The following PGCKA1 variants were observed in gnomAD, a reference collection of about 807,000 sequenced individuals.
PGCKA1 encodes the protein PDCD10 and GCKIII kinases associated 1.
chr4:37,488,370 G>A, the PGCKA1 span, among the ~76,000 whole-genome samples: 1 of 152,074 alleles, frequency 6.6e-6, no homozygotes, highest in African/African-American at 2.4e-5. Context: ...CATGATAGCT[G>A]GTGGCCCCAC....
At chr4:37,550,480 C>T in the PGCKA1 span, among the ~76,000 whole-genome samples, 60 of 152,236 alleles carry the variant, frequency 3.9e-4, no homozygotes, top group Admixed American at 7.8e-4. Flanking sequence ...CTGTTTGGCT[C>T]CAGAAAGGAA....
the PGCKA1 span, among the ~76,000 whole-genome samples, chr4:37,564,319 G>A: frequency 6.7e-6 from 1 of 149,760 alleles, no homozygotes; most frequent in East Asian, 2.0e-4. Context: ...TATTCTCGCA[G>A]ACAATTGCCA....
At chr4:37,453,956 G>T in the PGCKA1 span, 5 of 155,692 alleles carry the variant, frequency 3.2e-5, no homozygotes, top group Admixed American at 3.3e-4. Flanking sequence ...AGCCGCTAGC[G>T]TCTCCCGGCG....
chr4:37,495,979 G>A, the PGCKA1 span, among the ~76,000 whole-genome samples: 35 of 152,142 alleles, frequency 2.3e-4, no homozygotes, highest in African/African-American at 8.4e-4. Flanking sequence ...TTTGTCAGAT[G>A]CATTGTCAGA....
chr4:37,486,412 C>G, the PGCKA1 span, among the ~76,000 whole-genome samples: 5 of 152,174 alleles, frequency 3.3e-5, no homozygotes, highest in Admixed American at 3.3e-4. Flanking sequence ...CAAAAAGCTT[C>G]ACTGAAACCA....
At chr4:37,457,240 G>T in the PGCKA1 span, among the ~76,000 whole-genome samples, 1 of 152,066 alleles carries the variant, frequency 6.6e-6, no homozygotes, top group Non-Finnish European at 1.5e-5. Flanking sequence ...ACTCCTTCTG[G>T]GAGTAAAAAC....
the PGCKA1 span, among the ~76,000 whole-genome samples, chr4:37,500,094 T>C: frequency 3.9e-5 from 6 of 152,100 alleles, no homozygotes; most frequent in African/African-American, 1.2e-4. Flanking sequence ...GGCTAATTTT[T>C]TTTGCATTTT....
chr4:37,528,025 G>A, the PGCKA1 span, among the ~76,000 whole-genome samples: 1 of 152,130 alleles, frequency 6.6e-6, no homozygotes, highest in African/African-American at 2.4e-5. Context: ...TTCTCAGAAT[G>A]TGTCTTTGTA....
chr4:37,591,734 G>C, the PGCKA1 span: 2 of 152,126 alleles, frequency 1.3e-5, no homozygotes, highest in African/African-American at 2.4e-5. Flanking sequence ...TGTCATATTT[G>C]GATTTTAAGT....
chr4:37,573,902 AT>A, the PGCKA1 span, among the ~76,000 whole-genome samples: 1 of 152,154 alleles, frequency 6.6e-6, no homozygotes, highest in Non-Finnish European at 1.5e-5. Context: ...TTAACAACTC[AT>A]TTTTATCTGG....
the PGCKA1 span, among the ~76,000 whole-genome samples, chr4:37,553,795 G>A: frequency 1.3e-5 from 2 of 152,150 alleles, no homozygotes; most frequent in African/African-American, 4.8e-5. Flanking sequence ...TTTAAAACAT[G>A]CAAGGTACCA....
chr4:37,551,316 A>T, the PGCKA1 span, among the ~76,000 whole-genome samples: 1 of 152,182 alleles, frequency 6.6e-6, no homozygotes, highest in Non-Finnish European at 1.5e-5. Context: ...ATAGGTAATT[A>T]AAAAGATGAT....
At chr4:37,485,634 T>A in the PGCKA1 span, among the ~76,000 whole-genome samples, 2 of 152,176 alleles carry the variant, frequency 1.3e-5, no homozygotes, top group African/African-American at 4.8e-5. Flanking sequence ...GCCAGAATTT[T>A]TTTTTTTCCT....
At chr4:37,473,118 C>A in the PGCKA1 span, among the ~76,000 whole-genome samples, 1 of 152,108 alleles carries the variant, frequency 6.6e-6, no homozygotes. Flanking sequence ...GATCCTAAAT[C>A]CCAGGCTAAC....
chr4:37,558,302 G>C, the PGCKA1 span, among the ~76,000 whole-genome samples: 1 of 152,144 alleles, frequency 6.6e-6, no homozygotes, highest in African/African-American at 2.4e-5. Flanking sequence ...TCTAAAACGA[G>C]TGTGATAATG....
the PGCKA1 span, among the ~76,000 whole-genome samples, chr4:37,518,171 A>T: frequency 6.6e-6 from 1 of 152,208 alleles, no homozygotes; most frequent in Non-Finnish European, 1.5e-5. Context: ...GTTGAAACTT[A>T]GATTGATGGC....
the PGCKA1 span, among the ~76,000 whole-genome samples, chr4:37,572,048 C>CTTTTTTTTCTTTTTCTTTTTT: frequency 1.2e-4 from 13 of 111,670 alleles, 1 homozygote; most frequent in Non-Finnish European, 1.6e-4. Flanking sequence ...AACTTCACAC[C>CTTTTTTTTCTTTTTCTTTTTT]TTTTTTTTTT....
At chr4:37,456,219 G>A in the PGCKA1 span, among the ~76,000 whole-genome samples, 7 of 152,130 alleles carry the variant, frequency 4.6e-5, no homozygotes, top group Non-Finnish European at 2.9e-5. Flanking sequence ...AGTCTTTCTC[G>A]AGTGCCTGCT....
chr4:37,553,829 A>G, the PGCKA1 span, among the ~76,000 whole-genome samples: 1 of 152,344 alleles, frequency 6.6e-6, no homozygotes, highest in East Asian at 1.9e-4. Flanking sequence ...CACTGTGCCA[A>G]GGGACACAAT....
Sources: gnomAD v4.1 joint callset for allele counts (sites outside exome capture counted in the v4.1 genomes callset) on GRCh38, gnomAD v4.1.1 for gene constraint, MANE v1.5 for transcripts, NCBI Gene and HGNC (gene_info 2026-07-23, HGNC 2026-07-21) for gene names.